Variants in CFAP299 observed in about 807,000 individuals in gnomAD.
The protein encoded by CFAP299 is cilia- and flagella-associated protein 299.
In CFAP299, 21 loss-of-function variants were observed where a neutral mutation model predicts 27.0. The ratio of observed to expected loss-of-function variants is 0.78; its 90% CI spans 0.55 to 1.12. The LOEUF (loss-of-function observed/expected upper bound fraction) is 1.12, where lower values mean the gene tolerates loss of function less well. Among genes scored for constraint, CFAP299 ranks in the 50% most tolerant of loss-of-function variants. CFAP299 has a pLI of 0.00. For synonymous variants in CFAP299, 104 were observed against 98.1 expected (o/e 1.06, Z -0.36); for missense variants, 310 against 276.6 (o/e 1.12, Z -0.86).
Position 80,786,511 on chromosome 4 carries a change from C to T in CFAP299, c.334-83482C>T, listed in dbSNP as rs530049080. On this transcript the variant is annotated intron_variant, in intron 3 of 5. Coordinates refer to ENST00000358105, the MANE Select transcript of CFAP299 (RefSeq NM_152770.3). ...TTAAAAACTGAAGTCTAATTATGGACTATAGTCTTTCTGTGAATATTAATA... is the reference window on the plus strand; with the variant it reads ...TTAAAAACTGAAGTCTAATTATGGATTATAGTCTTTCTGTGAATATTAATA... Among the ~76,000 whole-genome samples the T allele has an allele frequency of 2.6e-5, 4 of 152,178 alleles. No homozygotes were observed. The East Asian group carries it at 7.7e-4, about 29-fold the overall frequency.
intron 3 of CFAP299, among the ~76,000 whole-genome samples, chr4:80,605,308 T>C (rs1737598378): frequency 6.6e-6 from 1 of 152,204 alleles, no homozygotes; most frequent in Non-Finnish European, 1.5e-5. Flanking sequence ...ATCTATGACT[T>C]TATTTTCCAA....
At chr4:80,641,357 A>G (rs758861721) in intron 3 of CFAP299, among the ~76,000 whole-genome samples, 2 of 152,012 alleles carry the variant, frequency 1.3e-5, no homozygotes, top group Non-Finnish European at 2.9e-5. Flanking sequence ...GGCACACACC[A>G]CCATGCCAGG....
chr4:80,555,905 A>T (rs1734757539), intron 2 of CFAP299, among the ~76,000 whole-genome samples: 1 of 151,970 alleles, frequency 6.6e-6, no homozygotes, highest in African/African-American at 2.4e-5. Context: ...TGGAGAAACT[A>T]GGCAGACAGA....
intron 4 of CFAP299, among the ~76,000 whole-genome samples, chr4:80,907,538 C>T (rs1735244265): frequency 1.3e-5 from 2 of 152,170 alleles, no homozygotes; most frequent in African/African-American, 4.8e-5. Context: ...TCCTGCAGGG[C>T]TGAGGAGGCC....
intron 3 of CFAP299, among the ~76,000 whole-genome samples, chr4:80,860,940 T>G (rs1318948410): frequency 1.3e-5 from 2 of 152,282 alleles, no homozygotes; most frequent in East Asian, 1.9e-4. Context: ...TCTCTTCAAA[T>G]CTGTCAGACA....
At chr4:80,348,523 A>G (rs530644681) in intron 1 of CFAP299, among the ~76,000 whole-genome samples, 115 of 152,326 alleles carry the variant, frequency 7.5e-4, no homozygotes, top group African/African-American at 2.6e-3. Flanking sequence ...GCCAACAAAC[A>G]TATAAAAAAA....
At chr4:80,733,269 A>T (rs140069639) in intron 3 of CFAP299, among the ~76,000 whole-genome samples, 1 of 152,252 alleles carries the variant, frequency 6.6e-6, no homozygotes, top group East Asian at 1.9e-4. Flanking sequence ...TTAATGTAGG[A>T]CACTAAACAG....
At chr4:80,475,758 T>C (rs569131632) in intron 2 of CFAP299, among the ~76,000 whole-genome samples, 1 of 152,212 alleles carries the variant, frequency 6.6e-6, no homozygotes, top group South Asian at 2.1e-4. Context: ...CAAACAAATA[T>C]TTGGTGTTTA....
At chr4:80,877,090 G>A (rs1357820826) in intron 4 of CFAP299, among the ~76,000 whole-genome samples, 1 of 152,048 alleles carries the variant, frequency 6.6e-6, no homozygotes, top group Non-Finnish European at 1.5e-5. Context: ...TGTAATTGTG[G>A]TTTCAGCCTA....
intron 3 of CFAP299, chr4:80,790,501 T>G (rs1281029364): frequency 3.3e-5 from 5 of 152,006 alleles, no homozygotes; most frequent in African/African-American, 7.2e-5. Flanking sequence ...GAAGGACAAT[T>G]ACATCATGAC....
intron 3 of CFAP299, among the ~76,000 whole-genome samples, chr4:80,757,336 C>A (rs979148396): frequency 6.6e-6 from 1 of 151,950 alleles, no homozygotes; most frequent in Admixed American, 6.6e-5. Flanking sequence ...GTTTAATATT[C>A]AAAGTTCTAT....
chr4:80,366,984 A>G (rs2110004049), intron 2 of CFAP299, among the ~76,000 whole-genome samples: 1 of 152,350 alleles, frequency 6.6e-6, no homozygotes, highest in South Asian at 2.1e-4. Context: ...TACCATTTAT[A>G]TAAAATGTCC....
intron 4 of CFAP299, chr4:80,872,389 C>T (rs1733146857): frequency 6.6e-6 from 1 of 151,970 alleles, no homozygotes; most frequent in Non-Finnish European, 1.5e-5. Context: ...TATTATTTAT[C>T]CTGAATTTTT....
intron 5 of CFAP299, among the ~76,000 whole-genome samples, chr4:80,962,049 A>G (rs981992485): frequency 6.6e-6 from 1 of 151,912 alleles, no homozygotes; most frequent in African/African-American, 2.4e-5. Context: ...TTAAATTTCT[A>G]TTGCTACTGG....
At chr4:80,659,357 A>G (rs1560682487) in intron 3 of CFAP299, among the ~76,000 whole-genome samples, 1 of 152,038 alleles carries the variant, frequency 6.6e-6, no homozygotes. Context: ...AAAACAAAAG[A>G]ACTACACACT....
At chr4:80,645,186 T>G (rs1464200969) in intron 3 of CFAP299, among the ~76,000 whole-genome samples, 1 of 152,144 alleles carries the variant, frequency 6.6e-6, no homozygotes, top group African/African-American at 2.4e-5. Context: ...AATAGTACTA[T>G]CATTCATCCA....
chr4:80,447,756 A>G (rs1041881824), intron 2 of CFAP299, among the ~76,000 whole-genome samples: 10 of 152,128 alleles, frequency 6.6e-5, no homozygotes, highest in Non-Finnish European at 1.2e-4. Context: ...CCCGGCCAAC[A>G]ATTGCAGTTT....
At chr4:80,963,376 G>A (rs1345274875) in intron 5 of CFAP299, 141 bp from the exon 6 acceptor site, 3 of 599,582 alleles carry the variant, frequency 5.0e-6, no homozygotes, top group Non-Finnish European at 8.8e-6. Flanking sequence ...AAGACTAGGG[G>A]GAAAACATGT....
At chr4:80,511,127 G>C (rs903211651) in intron 2 of CFAP299, among the ~76,000 whole-genome samples, 1 of 152,144 alleles carries the variant, frequency 6.6e-6, no homozygotes, top group Non-Finnish European at 1.5e-5. Flanking sequence ...TGTACTATCT[G>C]GGTTCAAGTC....
Sources: allele counts gnomAD v4.1 joint callset (sites outside exome capture counted in the v4.1 genomes callset), GRCh38; gene constraint gnomAD v4.1.1; transcripts MANE v1.5; gene names NCBI Gene and HGNC (gene_info 2026-07-23, HGNC 2026-07-21).